The following OGDH variants were observed in gnomAD, a reference collection of about 807,000 sequenced individuals.
OGDH encodes 2-oxoglutarate dehydrogenase complex component E1.
OGDH carries 38 observed loss-of-function variants against 116.6 expected under a neutral mutation model. The observed-to-expected ratio is 0.33, with a 90% CI of 0.25 to 0.43. The LOEUF (loss-of-function observed/expected upper bound fraction) is 0.43, where lower values mean the gene tolerates loss of function less well. Ranked by LOEUF, OGDH falls within the 20% of genes least tolerant of loss-of-function variation. The pLI is 1.00. For synonymous variants in OGDH, 488 were observed against 533.3 expected (o/e 0.92, Z 1.17); for missense variants, 825 against 1,357.2 (o/e 0.61, Z 6.16).
chr7:44,629,283 C>T (rs1176651130), intron 2 of OGDH, among the ~76,000 whole-genome samples: 2 of 152,194 alleles, frequency 1.3e-5, no homozygotes, highest in Non-Finnish European at 2.9e-5. Context: ...GATGCATCTG[C>T]CAGGTTCTGG....
rs140074828 is a variant in OGDH, at chr7:44,681,836, C to T, written c.1323C>T (p.Val441=). 97 of 1,614,130 alleles carry T rather than the reference C, an allele frequency of 6.0e-5. No homozygotes were observed. Among genetic ancestry groups the T allele is most frequent in the East Asian group, 8.9e-5 (4 of 44,870 alleles). ...SYTTHGTVHV[V]VNNQIGFTTD... is the part of the protein sequence containing the mutation. Reference sequence around the variant, plus strand: ...CAACTCATGGCACCGTGCACGTGGTCGTCAACAACCAGGTACCTCACACCA... The same window carrying T: ...CAACTCATGGCACCGTGCACGTGGTTGTCAACAACCAGGTACCTCACACCA... The change falls in exon 10 of 23, where the codon GTC becomes GTT. Residue 441 remains valine, a synonymous_variant. Transcript: ENST00000222673.
At chr7:44,609,099 T>C (rs1432760221) in intron 1 of OGDH, among the ~76,000 whole-genome samples, 2 of 152,184 alleles carry the variant, frequency 1.3e-5, no homozygotes, top group African/African-American at 4.8e-5. Context: ...ATTTCCCTAA[T>C]TTTGGCATGT....
rs1458857089 is a variant in OGDH, at chr7:44,708,886, G to A, written c.*887G>A. On this transcript the variant is annotated 3_prime_UTR_variant, in exon 23 of 23. Transcript: ENST00000222673. ...GCTGTGCCAAAGCAGGTCAGAAGAG[G>A]GAGAGGAGGGGCTGGGGGTGAGGGG... The A allele has an allele frequency of 2.0e-5, 3 of 152,286 alleles. No homozygotes were observed. Among genetic ancestry groups the A allele is most frequent in the African/African-American group, 7.2e-5 (3 of 41,468 alleles). 9.4% of individuals were successfully genotyped at this position (152,286 alleles called of 1,614,324 possible). A position where few individuals can be genotyped will look rare whatever the true frequency, so the allele number is the denominator to read the frequency against.
chr7:44,668,945 G>A (rs377008837), intron 5 of OGDH, among the ~76,000 whole-genome samples: 28 of 152,098 alleles, frequency 1.8e-4, no homozygotes, highest in African/African-American at 6.7e-4. Context: ...TGTGTTGCCT[G>A]GACCCCCCAC....
chr7:44,663,398 C>G (rs118115396), intron 4 of OGDH, among the ~76,000 whole-genome samples: 1 of 152,124 alleles, frequency 6.6e-6, no homozygotes, highest in African/African-American at 2.4e-5. Flanking sequence ...TTTGGGAGAC[C>G]AAGGCAGGCA....
intron 10 of OGDH, among the ~76,000 whole-genome samples, chr7:44,684,177 G>A (rs751368839): frequency 4.6e-5 from 7 of 152,160 alleles, no homozygotes; most frequent in Non-Finnish European, 8.8e-5. Flanking sequence ...GCAGCTCATC[G>A]TTAGTGCAAG....
chr7:44,653,345 G>A (rs142974640), intron 4 of OGDH, among the ~76,000 whole-genome samples: 12 of 152,158 alleles, frequency 7.9e-5, no homozygotes, highest in East Asian at 3.9e-4. Context: ...CGCCCGTCTC[G>A]GACTCCCAAA....
chr7:44,641,209 CTT>C (rs781147896), intron 2 of OGDH, among the ~76,000 whole-genome samples: 18,974 of 108,426 alleles, frequency 0.17, 3,367 homozygotes, highest in African/African-American at 0.45. Context: ...CCTTTTTCTT[CTT>C]TTTTTTTTTT....
At chr7:44,637,681 G>T (rs1785731904) in intron 2 of OGDH, among the ~76,000 whole-genome samples, 2 of 152,062 alleles carry the variant, frequency 1.3e-5, no homozygotes, top group Admixed American at 1.3e-4. Context: ...CACGATGGCG[G>T]TGCCTGTAAT....
intron 1 of OGDH, among the ~76,000 whole-genome samples, chr7:44,607,940 G>A (rs1784416915): frequency 6.6e-6 from 1 of 152,104 alleles, no homozygotes; most frequent in African/African-American, 2.4e-5. Context: ...GACCTCAGGT[G>A]ATCCGCCCGC....
At chr7:44,656,460 G>A (rs908346165) in intron 4 of OGDH, 45 of 1,060,058 alleles carry the variant, frequency 4.2e-5, no homozygotes, top group East Asian at 2.3e-4. Flanking sequence ...GAAAGTTGAC[G>A]CAACTTCTGT....
At position 44,700,248 on chromosome 7, in the gene OGDH, C is replaced by T. The variant is rs1355830001; in HGVS notation, c.2538C>T (p.Ile846=). 6 of 1,614,222 alleles carry T rather than the reference C, an allele frequency of 3.7e-6. No homozygotes were observed. Among genetic ancestry groups the T allele is most frequent in the East Asian group, 2.2e-5 (1 of 44,894 alleles). The part of the protein sequence containing the change: ...GNFFHVLRRQ[I]LLPFRKPLII... ...TCTTCCACGTGCTACGACGCCAGAT[C>T]CTGCTGCCATTCCGGAAGCCGGTCA... is the stretch of plus-strand genomic sequence containing the variant. The change falls in exon 19 of 23, where the codon ATC becomes ATT. Residue 846 remains isoleucine (I), a synonymous_variant. Coordinates refer to ENST00000222673, the MANE Select transcript of OGDH (RefSeq NM_002541.4).
At chr7:44,627,825 C>T (rs550626218) in intron 2 of OGDH, among the ~76,000 whole-genome samples, 66 of 152,038 alleles carry the variant, frequency 4.3e-4, no homozygotes, top group African/African-American at 1.4e-3. Context: ...TACAGATACG[C>T]GCCACCACGC....
chr7:44,628,249 T>G (rs1785284875), intron 2 of OGDH, among the ~76,000 whole-genome samples: 1 of 152,232 alleles, frequency 6.6e-6, no homozygotes, highest in Non-Finnish European at 1.5e-5. Flanking sequence ...ATTGTTTTCA[T>G]AACCACACCC....
rs542003510 is a variant in OGDH, at chr7:44,652,141, T to C, written c.517+4382T>C. ...TTTTTTTTTTGAGATGGAGTTTCGC[T>C]CTTGTTGCCCAGGCTGGAGTGCAAT... is the stretch of plus-strand genomic sequence containing the variant. On this transcript the variant is annotated intron_variant, in intron 4 of 22. Coordinates refer to ENST00000222673, the MANE Select transcript of OGDH (RefSeq NM_002541.4). Among the ~76,000 whole-genome samples, 3 of 151,042 alleles carry C rather than the reference T, an allele frequency of 2.0e-5. No individual in the cohort carries two copies. The East Asian group carries it at 5.9e-4, about 30-fold the overall frequency.
At chr7:44,612,508 C>T (rs369721885) in intron 1 of OGDH, among the ~76,000 whole-genome samples, 23 of 151,046 alleles carry the variant, frequency 1.5e-4, no homozygotes, top group East Asian at 5.9e-4. Context: ...CTCAGACCCC[C>T]GAGTAGGTGG....
In OGDH at chr7:44,707,426, G is replaced by T. The variant is rs201141796; in HGVS notation, c.2796+38G>T. 3 of 1,611,680 alleles carry T rather than the reference G, an allele frequency of 1.9e-6. No individual in the cohort carries two copies. The highest frequency in any genetic ancestry group is 2.5e-6 in the Non-Finnish European group (3 of 1,178,642). ...GGTGCCATCAGGGTGTCCCCCCAGC[G>T]GGGGTCAGGGCTCTGGTGCCTTCAC... On this transcript the variant is annotated intron_variant, in intron 21 of 22. Coordinates refer to ENST00000222673, the MANE Select transcript of OGDH (RefSeq NM_002541.4). This position sits in a 1 kb window ranked among gnomAD's most constrained non-coding sequence, Gnocchi z 5.2.
intron 18 of OGDH, among the ~76,000 whole-genome samples, chr7:44,698,476 G>A (rs1788685676): frequency 6.6e-6 from 1 of 152,190 alleles, no homozygotes; most frequent in Middle Eastern, 3.4e-3. Flanking sequence ...GAAGGTGCAG[G>A]GACTGCCTCC....
At chr7:44,668,028 C>G (rs1489576019) in intron 5 of OGDH, among the ~76,000 whole-genome samples, 1 of 152,272 alleles carries the variant, frequency 6.6e-6, no homozygotes, top group East Asian at 1.9e-4. Context: ...CAGCCCAGGT[C>G]CCCTAAATCA....
Sources: gnomAD v4.1 joint callset for allele counts (sites outside exome capture counted in the v4.1 genomes callset) on GRCh38, gnomAD v4.1.1 for gene constraint, Gnocchi (gnomAD v3.1) non-coding constraint, MANE v1.5 for transcripts, NCBI Gene and HGNC (gene_info 2026-07-23, HGNC 2026-07-21) for gene names.